Variants in MACROD2 observed in about 807,000 individuals in gnomAD.
MACROD2 encodes the protein ADP-ribose glycohydrolase MACROD2.
Under a neutral mutation model 70.4 loss-of-function variants are expected in MACROD2, and 36 were observed. The ratio of observed to expected loss-of-function variants is 0.51; its 90% CI spans 0.39 to 0.68. The LOEUF is 0.68. Among genes scored for constraint, MACROD2 ranks in the 30% least tolerant of loss-of-function variants. The pLI, the probability that MACROD2 is intolerant of heterozygous loss-of-function variation, is 0.00. For missense variants in MACROD2, 496 were observed against 538.4 expected (o/e 0.92, Z 0.78); for synonymous variants, 172 against 178.8 (o/e 0.96, Z 0.30).
chr20:16,015,623 A>G (rs1296437889), intron 15 of MACROD2, among the ~76,000 whole-genome samples: 1 of 152,190 alleles, frequency 6.6e-6, no homozygotes, highest in Non-Finnish European at 1.5e-5. Context: ...CATCCTTACA[A>G]TGAGTCTTTC....
At chr20:15,423,188 A>G (rs963479890) in intron 6 of MACROD2, among the ~76,000 whole-genome samples, 1 of 152,204 alleles carries the variant, frequency 6.6e-6, no homozygotes, top group South Asian at 2.1e-4. Context: ...TCTTGCTTAC[A>G]TGGCTATGGG....
Position 14,403,956 on chromosome 20 carries a change from A to C in MACROD2, c.272-89523A>C, listed in dbSNP as rs531066755. ...AAATTTATATGTTTAATATGATAAA[A>C]AATAATTAGGGGAGTTGAAAATAAA... On this transcript the variant is annotated intron_variant, in intron 3 of 17. Transcript: ENST00000684519. Among the ~76,000 whole-genome samples the C allele has an allele frequency of 2.0e-5, 3 of 152,272 alleles. No homozygotes were observed. The East Asian group carries it at 5.8e-4, about 29-fold the overall frequency.
intron 5 of MACROD2, among the ~76,000 whole-genome samples, chr20:14,744,920 G>T (rs2123726002): frequency 6.6e-6 from 1 of 152,190 alleles, no homozygotes; most frequent in Non-Finnish European, 1.5e-5. Flanking sequence ...AGAAACGTTT[G>T]TTTTTTTCAG....
At chr20:15,439,501 T>A (rs746838216) in intron 7 of MACROD2, among the ~76,000 whole-genome samples, 37 of 152,268 alleles carry the variant, frequency 2.4e-4, no homozygotes, top group Non-Finnish European at 4.7e-4. Flanking sequence ...GCGCCAGTAC[T>A]TTGGGGGTGC....
chr20:14,807,891 G>GA (rs2072659008), intron 5 of MACROD2, among the ~76,000 whole-genome samples: 4 of 152,030 alleles, frequency 2.6e-5, no homozygotes, highest in Middle Eastern at 3.4e-3. Context: ...CAAGATTAGA[G>GA]AAAAAAACAA....
chr20:15,055,052 T>G (rs1046539701), intron 5 of MACROD2, among the ~76,000 whole-genome samples: 28 of 150,316 alleles, frequency 1.9e-4, no homozygotes, highest in African/African-American at 6.9e-4. Context: ...TGGGTTCAAG[T>G]GATTCTCCTG....
intron 5 of MACROD2, among the ~76,000 whole-genome samples, chr20:15,058,997 T>C (rs895677404): frequency 3.9e-5 from 6 of 152,192 alleles, no homozygotes; most frequent in African/African-American, 1.4e-4. Context: ...GTGTTATCTA[T>C]GGTTTTATTA....
In MACROD2 at chr20:15,869,662, G is replaced by C. The variant is rs140084792; in HGVS notation, c.727+6836G>C. ...TAAACTTAATCCATAGGAGTTATAA[G>C]TTTATAAATTATAAACTTTACTGGA... On this transcript the variant is annotated intron_variant, in intron 9 of 17. Transcript: ENST00000684519. Among the ~76,000 whole-genome samples the C allele has an allele frequency of 2.1e-3, 319 of 152,028 alleles. 1 individual carries two copies. The highest frequency in any genetic ancestry group is 7.4e-3 in the African/African-American group (309 of 41,496).
intron 5 of MACROD2, among the ~76,000 whole-genome samples, chr20:15,105,944 G>C (rs1279640650): frequency 2.6e-5 from 4 of 152,044 alleles, no homozygotes; most frequent in African/African-American, 9.7e-5. Flanking sequence ...CACTATGAGA[G>C]TACATTTCTA....
At chr20:14,794,316 C>T (rs1184276189) in intron 5 of MACROD2, among the ~76,000 whole-genome samples, 1 of 152,124 alleles carries the variant, frequency 6.6e-6, no homozygotes, top group Non-Finnish European at 1.5e-5. Flanking sequence ...CCATTGAAGA[C>T]TACCTTCTCA....
At chr20:16,044,788 C>T (rs143784233) in intron 17 of MACROD2, 149 bp downstream of exon 17, 98 of 685,940 alleles carry the variant, frequency 1.4e-4, no homozygotes, top group African/African-American at 8.8e-4. Flanking sequence ...AATAACACAG[C>T]GTAAGGGGAA....
At chr20:14,609,093 G>T (rs950857280) in intron 4 of MACROD2, among the ~76,000 whole-genome samples, 7 of 152,048 alleles carry the variant, frequency 4.6e-5, no homozygotes, top group Non-Finnish European at 1.0e-4. Context: ...GCCATTAGAG[G>T]CTTTGAAGCA....
intron 5 of MACROD2, among the ~76,000 whole-genome samples, chr20:14,788,733 TA>T (rs951486370): frequency 9.4e-5 from 14 of 148,300 alleles, no homozygotes; most frequent in African/African-American, 2.7e-4. Flanking sequence ...TTTTTGTATT[TA>T]AAAAAAAATT....
At chr20:14,295,878 T>C (rs2082423234) in intron 3 of MACROD2, among the ~76,000 whole-genome samples, 1 of 151,950 alleles carries the variant, frequency 6.6e-6, no homozygotes, top group East Asian at 1.9e-4. Context: ...TATTCAAGAA[T>C]TGTAGAAACT....
intron 5 of MACROD2, among the ~76,000 whole-genome samples, chr20:14,872,071 G>A (rs2073494911): frequency 6.6e-6 from 1 of 152,002 alleles, no homozygotes; most frequent in African/African-American, 2.4e-5. Context: ...CAGTAATATT[G>A]TGAGACTTTA....
chr20:14,694,709 G>T (rs978388178), intron 5 of MACROD2, among the ~76,000 whole-genome samples: 7 of 152,070 alleles, frequency 4.6e-5, no homozygotes, highest in Non-Finnish European at 5.9e-5. Context: ...ACAGTGACTG[G>T]TGTTTGAGAA....
intron 4 of MACROD2, among the ~76,000 whole-genome samples, chr20:14,555,236 CAT>C (rs1307141129): frequency 6.6e-6 from 1 of 152,038 alleles, no homozygotes; most frequent in East Asian, 1.9e-4. Flanking sequence ...ACTCCACAAA[CAT>C]ATACACTATG....
intron 8 of MACROD2, among the ~76,000 whole-genome samples, chr20:15,531,939 T>A (rs1422913748): frequency 1.3e-5 from 2 of 152,186 alleles, no homozygotes; most frequent in African/African-American, 2.4e-5. Flanking sequence ...AAAATTCGTG[T>A]GTCTTTTGCA....
chr20:14,831,577 G>A (rs950098658), intron 5 of MACROD2, among the ~76,000 whole-genome samples: 8 of 151,544 alleles, frequency 5.3e-5, no homozygotes, highest in Non-Finnish European at 8.8e-5. Flanking sequence ...TCGGGAGTTT[G>A]AGACCAGCCT....
Sources: allele counts gnomAD v4.1 joint callset (sites outside exome capture counted in the v4.1 genomes callset), GRCh38; gene constraint gnomAD v4.1.1; transcripts MANE v1.5; gene names NCBI Gene and HGNC (gene_info 2026-07-23, HGNC 2026-07-21).